WDPCP: variants seen among roughly 807,000 people sequenced by gnomAD.
WDPCP encodes WD repeat containing planar cell polarity effector, also known as WD repeat-containing and planar cell polarity effector protein fritz homolog.
WDPCP carries 71 observed loss-of-function variants against 93.1 expected under a neutral mutation model. The ratio of observed to expected loss-of-function variants is 0.76; its 90% CI spans 0.63 to 0.93. WDPCP has a LOEUF of 0.93. Among genes scored for constraint, WDPCP ranks in the 40% least tolerant of loss-of-function variants. The pLI, the probability that WDPCP is intolerant of heterozygous loss-of-function variation, is 0.00. For missense variants in WDPCP, 844 were observed against 887.4 expected, an observed-to-expected ratio of 0.95 and a Z score of 0.62; for synonymous variants, 315 against 315.0, an observed-to-expected ratio of 1.00 and a Z score of 0.00.
intron 2 of WDPCP, among the ~76,000 whole-genome samples, chr2:63,789,409 G>A (rs966984992): frequency 6.6e-6 from 1 of 152,212 alleles, no homozygotes; most frequent in Admixed American, 6.5e-5. Flanking sequence ...TGGCAAATTA[G>A]GTATTTGTTG....
chr2:63,155,898 A>T (rs1307095141), intron 15 of WDPCP, among the ~76,000 whole-genome samples: 1 of 152,236 alleles, frequency 6.6e-6, no homozygotes, highest in Non-Finnish European at 1.5e-5. Context: ...GATTTTGATC[A>T]GAATTTTATC....
intron 6 of WDPCP, among the ~76,000 whole-genome samples, chr2:63,449,221 A>T (rs1057201197): frequency 1.3e-5 from 2 of 152,218 alleles, no homozygotes; most frequent in Non-Finnish European, 2.9e-5. Context: ...CCTCCCAAAT[A>T]TTTGATAACC....
chr2:63,582,323 T>C (rs1478047584), intron 1 of WDPCP, among the ~76,000 whole-genome samples: 1 of 152,080 alleles, frequency 6.6e-6, no homozygotes, highest in Non-Finnish European at 1.5e-5. Flanking sequence ...AATAAAAAAC[T>C]GGTGTCCTTG....
At chr2:63,541,783 T>C (rs4671515) in intron 1 of WDPCP, among the ~76,000 whole-genome samples, 122,496 of 152,048 alleles carry the variant, frequency 0.81, 49,994 homozygotes, top group East Asian at 0.98. Context: ...CCAAATCTCT[T>C]TGGGCTACAT....
intron 17 of WDPCP, among the ~76,000 whole-genome samples, chr2:63,136,406 G>A (rs981664090): frequency 1.3e-5 from 2 of 151,730 alleles, no homozygotes; most frequent in African/African-American, 4.8e-5. Context: ...GTGAGAGAGA[G>A]GAAGAGAAAG....
At chr2:63,719,701 G>A (rs112928569) in intron 2 of WDPCP, among the ~76,000 whole-genome samples, 19 of 151,956 alleles carry the variant, frequency 1.3e-4, no homozygotes, top group South Asian at 2.1e-4. Context: ...CTTTTTGAGC[G>A]TATGAAATAT....
intron 1 of WDPCP, among the ~76,000 whole-genome samples, chr2:63,820,568 A>G (rs1439640783): frequency 3.9e-5 from 6 of 152,134 alleles, no homozygotes; most frequent in Non-Finnish European, 8.8e-5. Context: ...CTTTAAACAC[A>G]TGGTTCCAAA....
intron 8 of WDPCP, among the ~76,000 whole-genome samples, chr2:63,434,879 G>A (rs1248189774): frequency 1.3e-5 from 2 of 152,030 alleles, no homozygotes; most frequent in South Asian, 2.1e-4. Flanking sequence ...AGAGTGCAAC[G>A]GGTGTTAAGA....
At chr2:63,414,504 TAC>T (rs1333301707) in intron 9 of WDPCP, among the ~76,000 whole-genome samples, 1 of 151,114 alleles carries the variant, frequency 6.6e-6, no homozygotes, top group African/African-American at 2.4e-5. Flanking sequence ...CACATATATA[TAC>T]ACACACACAT....
chr2:63,375,462 G>A (rs1691767365), intron 12 of WDPCP, among the ~76,000 whole-genome samples: 1 of 151,788 alleles, frequency 6.6e-6, no homozygotes, highest in Non-Finnish European at 1.5e-5. Flanking sequence ...TGCTTCTACT[G>A]TTTTCCTATC....
intron 2 of WDPCP, among the ~76,000 whole-genome samples, chr2:63,712,063 G>T (rs565882413): frequency 6.6e-6 from 1 of 152,304 alleles, no homozygotes; most frequent in Admixed American, 6.5e-5. Flanking sequence ...TTGATGTGAT[G>T]CTCTGATTTC....
chr2:63,528,207 G>A (rs1367084358), intron 1 of WDPCP, among the ~76,000 whole-genome samples: 4 of 152,264 alleles, frequency 2.6e-5, no homozygotes, highest in Non-Finnish European at 4.4e-5. Context: ...CTGTGCAGAA[G>A]CTCTTTAGTT....
intron 12 of WDPCP, among the ~76,000 whole-genome samples, chr2:63,322,993 G>C (rs1687240628): frequency 6.6e-6 from 1 of 152,206 alleles, no homozygotes; most frequent in Admixed American, 6.5e-5. Context: ...AACAATCCCT[G>C]ACTCTTCAGA....
intron 1 of WDPCP, among the ~76,000 whole-genome samples, chr2:63,500,409 G>C (rs1163781614): frequency 6.6e-6 from 1 of 151,578 alleles, no homozygotes; most frequent in African/African-American, 2.4e-5. Flanking sequence ...GACAGACTAA[G>C]ATAATATAGT....
chr2:63,752,340 C>T (rs1343068688), intron 2 of WDPCP: 1 of 792,398 alleles, frequency 1.3e-6, no homozygotes, highest in Admixed American at 1.7e-5. Context: ...GTTAGGTGGG[C>T]ACCTGGTCTT....
intron 8 of WDPCP, among the ~76,000 whole-genome samples, chr2:63,435,649 A>C (rs1353788064): frequency 6.6e-6 from 1 of 152,164 alleles, no homozygotes; most frequent in African/African-American, 2.4e-5. Context: ...CATGTTTCCT[A>C]TGAGTTTAAT....
At chr2:63,282,589 A>G (rs1016235207) in intron 13 of WDPCP, among the ~76,000 whole-genome samples, 1 of 152,224 alleles carries the variant, frequency 6.6e-6, no homozygotes, top group Non-Finnish European at 1.5e-5. Flanking sequence ...TTTACAGCCA[A>G]CTGATTTATA....
intron 2 of WDPCP, among the ~76,000 whole-genome samples, chr2:63,810,690 A>T (rs1256009260): frequency 5.3e-5 from 8 of 152,236 alleles, no homozygotes; most frequent in African/African-American, 1.9e-4. Context: ...ATTCAAATTT[A>T]TTCCATATTT....
intron 2 of WDPCP, among the ~76,000 whole-genome samples, chr2:63,729,336 A>T (rs1043463280): frequency 1.2e-4 from 18 of 152,020 alleles, no homozygotes; most frequent in Non-Finnish European, 1.9e-4. Flanking sequence ...AAAAAATGAT[A>T]AAAAAAATAT....
Sources: allele counts gnomAD v4.1 joint callset (sites outside exome capture counted in the v4.1 genomes callset), GRCh38; gene constraint gnomAD v4.1.1; transcripts MANE v1.5; gene names NCBI Gene and HGNC (gene_info 2026-07-23, HGNC 2026-07-21).